PTPRG: variants seen among roughly 807,000 people sequenced by gnomAD.
The protein encoded by PTPRG is receptor-type tyrosine-protein phosphatase gamma.
A neutral mutation model predicts 165.3 loss-of-function variants in PTPRG; 102 were observed. The ratio of observed to expected loss-of-function variants is 0.62; its 90% confidence interval spans 0.53 to 0.73. The LOEUF (loss-of-function observed/expected upper bound fraction) is 0.73. Ranked by LOEUF, PTPRG falls within the 30% of genes least tolerant of loss-of-function variation. The pLI is 0.00. For missense variants in PTPRG, 1,866 were observed against 1,861.4 expected, an observed-to-expected ratio of 1.00 and a Z score of -0.05; for synonymous variants, 675 against 669.5, an observed-to-expected ratio of 1.01 and a Z score of -0.13.
intron 2 of PTPRG, among the ~76,000 whole-genome samples, chr3:61,874,515 C>CCCT (rs2037671460): frequency 6.7e-6 from 1 of 149,238 alleles, no homozygotes; most frequent in African/African-American, 2.5e-5. Context: ...TTCTTTCTTC[C>CCCT]TTTTTTTTTT....
At chr3:61,843,475 C>T (rs1202422107) in intron 2 of PTPRG, among the ~76,000 whole-genome samples, 2 of 152,094 alleles carry the variant, frequency 1.3e-5, no homozygotes, top group South Asian at 2.1e-4. Context: ...CAGGGAGTAT[C>T]CTGAGACAAT....
chr3:61,988,751 T>C (rs1400590608), intron 2 of PTPRG, among the ~76,000 whole-genome samples: 1 of 152,204 alleles, frequency 6.6e-6, no homozygotes, highest in Non-Finnish European at 1.5e-5. Context: ...CGCTTTGTTG[T>C]GTCAACAAGG....
intron 4 of PTPRG, among the ~76,000 whole-genome samples, chr3:62,061,333 A>T: frequency 6.6e-6 from 1 of 152,300 alleles, no homozygotes; most frequent in South Asian, 2.1e-4. Flanking sequence ...AAGGTATCGT[A>T]TCTCTGGATG....
intron 2 of PTPRG, among the ~76,000 whole-genome samples, chr3:61,951,051 A>G (rs912300100): frequency 6.6e-6 from 1 of 152,336 alleles, no homozygotes; most frequent in East Asian, 1.9e-4. Context: ...TCATTTTCGT[A>G]AGCAGTACAA....
chr3:61,873,321 A>G (rs1399262690), intron 2 of PTPRG, among the ~76,000 whole-genome samples: 1 of 152,234 alleles, frequency 6.6e-6, no homozygotes, highest in African/African-American at 2.4e-5. Flanking sequence ...AAATGAATGA[A>G]TAGGACCAGC....
chr3:61,970,230 A>T (rs2107657413), intron 2 of PTPRG, among the ~76,000 whole-genome samples: 1 of 144,658 alleles, frequency 6.9e-6, no homozygotes. Context: ...TGAGAAACTC[A>T]TGAGGAGAAG....
At chr3:61,612,914 C>A (rs1270983358) in intron 1 of PTPRG, among the ~76,000 whole-genome samples, 3 of 151,972 alleles carry the variant, frequency 2.0e-5, no homozygotes, top group African/African-American at 7.2e-5. Context: ...TTTGGTAGAA[C>A]AGCCTTTGTT....
chr3:61,910,712 A>G (rs986056805), intron 2 of PTPRG, among the ~76,000 whole-genome samples: 7 of 152,098 alleles, frequency 4.6e-5, no homozygotes, highest in African/African-American at 1.7e-4. Context: ...TAACAATCCA[A>G]GGCTGTCATT....
intron 1 of PTPRG, among the ~76,000 whole-genome samples, chr3:61,564,082 C>G (rs938904131): frequency 6.6e-6 from 1 of 152,134 alleles, no homozygotes; most frequent in Non-Finnish European, 1.5e-5. Flanking sequence ...GGAGTCCTGC[C>G]TCTACGGCCT....
intron 27 of PTPRG, among the ~76,000 whole-genome samples, chr3:62,282,260 G>A (rs1702477262): frequency 6.6e-6 from 1 of 151,852 alleles, no homozygotes; most frequent in South Asian, 2.1e-4. Flanking sequence ...TGTTTGTTTT[G>A]AGACAAGGTC....
intron 21 of PTPRG, among the ~76,000 whole-genome samples, chr3:62,272,421 G>C (rs1702095699): frequency 6.6e-6 from 1 of 152,112 alleles, no homozygotes. Flanking sequence ...CTTTTATTCT[G>C]TTTCATTTGA....
chr3:61,977,303 A>AG (rs2040533953), intron 2 of PTPRG, among the ~76,000 whole-genome samples: 1 of 151,964 alleles, frequency 6.6e-6, no homozygotes, highest in Non-Finnish European at 1.5e-5. Flanking sequence ...ATAAAACCTC[A>AG]GGGGTTTCAG....
At chr3:62,021,016 C>A (rs920100895) in intron 4 of PTPRG, among the ~76,000 whole-genome samples, 4 of 152,050 alleles carry the variant, frequency 2.6e-5, no homozygotes, top group Admixed American at 6.6e-5. Flanking sequence ...GGCCCTTGAG[C>A]CAGATCCCTG....
intron 4 of PTPRG, among the ~76,000 whole-genome samples, chr3:62,069,837 G>A (rs1026119682): frequency 2.0e-5 from 3 of 152,150 alleles, no homozygotes; most frequent in East Asian, 1.9e-4. Flanking sequence ...GTGTTGCAGT[G>A]TAGAGGCAGA....
At chr3:62,147,414 G>T (rs17066200) in intron 6 of PTPRG, among the ~76,000 whole-genome samples, 12,484 of 152,216 alleles carry the variant, frequency 0.082, 829 homozygotes, top group East Asian at 0.35. Context: ...GACTCAGAAA[G>T]TTGACGGGGC....
At chr3:62,058,493 C>G (rs531307793) in intron 4 of PTPRG, among the ~76,000 whole-genome samples, 2 of 152,142 alleles carry the variant, frequency 1.3e-5, no homozygotes, top group East Asian at 3.9e-4. Flanking sequence ...TGCGTCAGTC[C>G]TTTTATGCTA....
At chr3:61,666,593 A>G (rs1338657712) in intron 1 of PTPRG, among the ~76,000 whole-genome samples, 1 of 152,208 alleles carries the variant, frequency 6.6e-6, no homozygotes, top group Non-Finnish European at 1.5e-5. Context: ...AACACCAGGT[A>G]CCTGGCAGGT....
Position 62,252,923 on chromosome 3 carries a change from C to T in PTPRG, c.2468-2201C>T, listed in dbSNP as rs894796072. On this transcript the variant is annotated intron_variant, in intron 15 of 29. Coordinates refer to ENST00000474889, the MANE Select transcript of PTPRG (RefSeq NM_002841.4). This position sits in a 1 kb window ranked among gnomAD's most constrained non-coding sequence, Gnocchi z 4.6. ...TGGAAACCCAGAGGGTGTGGTTAGGCGTCCTTGGATAAAGATGCAAATTGG... is the reference window on the plus strand; with the variant it reads ...TGGAAACCCAGAGGGTGTGGTTAGGTGTCCTTGGATAAAGATGCAAATTGG... Among the ~76,000 whole-genome samples the T allele has an allele frequency of 6.6e-6, 1 of 152,058 alleles. No individual in the cohort carries two copies. Among genetic ancestry groups the T allele is most frequent in the Non-Finnish European group, 1.5e-5 (1 of 68,024 alleles).
At chr3:61,981,335 C>A (rs1156244792) in intron 2 of PTPRG, among the ~76,000 whole-genome samples, 1 of 152,214 alleles carries the variant, frequency 6.6e-6, no homozygotes, top group Non-Finnish European at 1.5e-5. Flanking sequence ...CCATATCACC[C>A]TCTGAACTGA....
Sources: gnomAD v4.1 joint callset for allele counts (sites outside exome capture counted in the v4.1 genomes callset) on GRCh38, gnomAD v4.1.1 for gene constraint, Gnocchi (gnomAD v3.1) non-coding constraint, MANE v1.5 for transcripts, NCBI Gene and HGNC (gene_info 2026-07-23, HGNC 2026-07-21) for gene names.